The following SPSB4 variants were observed in gnomAD, a reference collection of about 807,000 sequenced individuals.
SPSB4 encodes the protein SPRY domain-containing SOCS box protein 4.
Under a neutral mutation model 20.9 loss-of-function variants are expected in SPSB4, and 21 were observed. The observed-to-expected ratio is 1.01, with a 90% confidence interval of 0.71 to 1.45. The LOEUF is 1.45. Among genes scored for constraint, SPSB4 ranks in the 40% most tolerant of loss-of-function variants. The pLI is 0.00. For missense variants in SPSB4, 399 were observed against 399.2 expected (o/e 1.00, Z 0.00); for synonymous variants, 207 against 183.8 (o/e 1.13, Z -1.02).
At chr3:141,083,297 G>C (rs1938275933) in intron 2 of SPSB4, among the ~76,000 whole-genome samples, 1 of 152,158 alleles carries the variant, frequency 6.6e-6, no homozygotes, top group Admixed American at 6.5e-5. Flanking sequence ...AGGGCCCATG[G>C]GGACTGTGTA....
At position 141,066,758 on chromosome 3, in the gene SPSB4, C is replaced by T; in HGVS notation, c.654C>T (p.Gly218=). The T allele has an allele frequency of 6.3e-7, 1 of 1,586,542 alleles. No individual in the cohort carries two copies. Among genetic ancestry groups the T allele is most frequent in the Non-Finnish European group, 8.6e-7 (1 of 1,164,976 alleles). Residue 218 remains glycine, a synonymous_variant, in exon 2 of 3, where the codon GGC becomes GGT. Transcript: ENST00000310546. ...KLYPVVSAVW[G]HCEVTMRYIN... ...ACCCGGTGGTGAGTGCCGTGTGGGGCCACTGTGAAGTCACCATGCGCTACA... is the reference window on the plus strand; with the variant it reads ...ACCCGGTGGTGAGTGCCGTGTGGGGTCACTGTGAAGTCACCATGCGCTACA...
At chr3:141,134,207 C>G (rs978841329) in intron 2 of SPSB4, among the ~76,000 whole-genome samples, 1 of 151,652 alleles carries the variant, frequency 6.6e-6, no homozygotes, top group African/African-American at 2.4e-5. Context: ...GATCAAGGAG[C>G]TTTTTAGATG....
At chr3:141,102,027 A>G (rs181212176) in intron 2 of SPSB4, among the ~76,000 whole-genome samples, 30 of 152,302 alleles carry the variant, frequency 2.0e-4, no homozygotes, top group Non-Finnish European at 4.3e-4. Flanking sequence ...TTCTCACATA[A>G]ATCACCAAAA....
chr3:141,101,460 T>C (rs1938611346), intron 2 of SPSB4, among the ~76,000 whole-genome samples: 1 of 151,886 alleles, frequency 6.6e-6, no homozygotes, highest in Non-Finnish European at 1.5e-5. Context: ...GACTTAGGAG[T>C]CCAGCTACCA....
rs1316606970 is a variant in SPSB4, at chr3:141,147,852, A to G, written c.*583A>G. ...CGCAGACCTGGCAAGTGGACAGTGCAGTGTGGAGACACCTTCCGGCTTACC... is the reference window on the plus strand; with the variant it reads ...CGCAGACCTGGCAAGTGGACAGTGCGGTGTGGAGACACCTTCCGGCTTACC... On this transcript the variant is annotated 3_prime_UTR_variant, in exon 3 of 3. Coordinates refer to ENST00000310546, the MANE Select transcript of SPSB4 (RefSeq NM_080862.3). The G allele has an allele frequency of 6.5e-6, 1 of 154,156 alleles. No homozygotes were observed. Among genetic ancestry groups the G allele is most frequent in the African/African-American group, 2.4e-5 (1 of 41,436 alleles). 9.5% of individuals were successfully genotyped at this position (154,156 alleles called of 1,614,324 possible).
chr3:141,115,840 T>C (rs1160386781), intron 2 of SPSB4, among the ~76,000 whole-genome samples: 2 of 152,294 alleles, frequency 1.3e-5, no homozygotes, highest in African/African-American at 2.4e-5. Flanking sequence ...TTGGGCCTAA[T>C]TGGATCATTT....
chr3:141,111,501 G>A (rs192731294), intron 2 of SPSB4, among the ~76,000 whole-genome samples: 1 of 151,758 alleles, frequency 6.6e-6, no homozygotes, highest in African/African-American at 2.4e-5. Context: ...CATGCTTGGT[G>A]GTTATTTTTG....
At chr3:141,076,381 CG>C (rs1214087858) in intron 2 of SPSB4, among the ~76,000 whole-genome samples, 2 of 152,230 alleles carry the variant, frequency 1.3e-5, no homozygotes, top group Non-Finnish European at 2.9e-5. Context: ...GCAGTGTACA[CG>C]AGTAAATCCA....
At chr3:141,088,375 C>T (rs1025689474) in intron 2 of SPSB4, among the ~76,000 whole-genome samples, 5 of 152,194 alleles carry the variant, frequency 3.3e-5, no homozygotes, top group African/African-American at 7.2e-5. Flanking sequence ...TGCGTCTTTG[C>T]GCTTTTATGT....
intron 2 of SPSB4, among the ~76,000 whole-genome samples, chr3:141,117,434 T>C (rs1559852472): frequency 1.3e-5 from 2 of 152,246 alleles, no homozygotes; most frequent in South Asian, 2.1e-4. Flanking sequence ...ATAATTCATC[T>C]TCTGGCCAAG....
At chr3:141,095,333 T>C (rs945921718) in intron 2 of SPSB4, among the ~76,000 whole-genome samples, 1 of 152,136 alleles carries the variant, frequency 6.6e-6, no homozygotes, top group Non-Finnish European at 1.5e-5. Context: ...CTGTGTCCTC[T>C]GTATTGTTTG....
At chr3:141,092,408 A>G (rs537737106) in intron 2 of SPSB4, among the ~76,000 whole-genome samples, 2 of 152,324 alleles carry the variant, frequency 1.3e-5, no homozygotes, top group Non-Finnish European at 2.9e-5. Context: ...AACCATATCT[A>G]CCATTCTCGA....
chr3:141,118,672 G>C (rs1938918192), intron 2 of SPSB4, among the ~76,000 whole-genome samples: 2 of 152,196 alleles, frequency 1.3e-5, no homozygotes, highest in Non-Finnish European at 2.9e-5. Context: ...TTTGTATAAA[G>C]TGTAAGGAAG....
intron 2 of SPSB4, among the ~76,000 whole-genome samples, chr3:141,076,295 C>T (rs61102430): frequency 1.4e-3 from 214 of 152,332 alleles, no homozygotes; most frequent in African/African-American, 5.0e-3. Flanking sequence ...TTTTCACGTC[C>T]GGCCCCACTT....
intron 2 of SPSB4, among the ~76,000 whole-genome samples, chr3:141,122,747 G>A (rs1318008307): frequency 6.6e-6 from 1 of 152,246 alleles, no homozygotes; most frequent in Non-Finnish European, 1.5e-5. Context: ...GACCCGCCAA[G>A]CCAGGCACGG....
intron 2 of SPSB4, among the ~76,000 whole-genome samples, chr3:141,108,291 A>C (rs1306696148): frequency 6.6e-6 from 1 of 152,084 alleles, no homozygotes; most frequent in African/African-American, 2.4e-5. Context: ...AACCCACAAA[A>C]TCAATTACTG....
At chr3:141,091,224 C>T (rs767338495) in intron 2 of SPSB4, among the ~76,000 whole-genome samples, 1 of 152,192 alleles carries the variant, frequency 6.6e-6, no homozygotes, top group Non-Finnish European at 1.5e-5. Context: ...AGGGTGGCTA[C>T]TGAAGAGAAG....
intron 2 of SPSB4, among the ~76,000 whole-genome samples, chr3:141,138,198 T>C (rs1939259889): frequency 6.6e-6 from 1 of 152,250 alleles, no homozygotes; most frequent in Non-Finnish European, 1.5e-5. Flanking sequence ...TGTCATTTAT[T>C]ATTGCATCTA....
chr3:141,095,151 G>A lies in SPSB4; in HGVS notation c.694+28353G>A, dbSNP rs532999646. Among the ~76,000 whole-genome samples the A allele has an allele frequency of 3.9e-5, 6 of 152,242 alleles. No homozygotes were observed. The East Asian group carries it at 9.7e-4, about 25-fold the overall frequency. On this transcript the variant is annotated intron_variant, in intron 2 of 2. Coordinates refer to ENST00000310546, the MANE Select transcript of SPSB4 (RefSeq NM_080862.3). The stretch of plus-strand genomic sequence containing the variant: ...CAGGCCAGGGGTAGGGGTGAAGACC[G>A]CTTCAGCCACCGTGCAGAAAGGTGC...
Sources: gnomAD v4.1 joint callset for allele counts (sites outside exome capture counted in the v4.1 genomes callset) on GRCh38, gnomAD v4.1.1 for gene constraint, MANE v1.5 for transcripts, NCBI Gene and HGNC (gene_info 2026-07-23, HGNC 2026-07-21) for gene names.